The following SORCS3 variants were observed in gnomAD, a reference collection of about 807,000 sequenced individuals.
The protein encoded by SORCS3 is sortilin related VPS10 domain containing receptor 3.
Under a neutral mutation model 146.3 loss-of-function variants are expected in SORCS3, and 57 were observed. The ratio of observed to expected loss-of-function variants is 0.39; its 90% CI spans 0.31 to 0.49. The LOEUF (loss-of-function observed/expected upper bound fraction) is 0.49, where lower values mean the gene tolerates loss of function less well. Among genes scored for constraint, SORCS3 ranks in the 20% least tolerant of loss-of-function variants. SORCS3 has a pLI of 0.92. For missense variants in SORCS3, 1,341 were observed against 1,575.5 expected (o/e 0.85, Z 2.52); for synonymous variants, 653 against 618.5 (o/e 1.06, Z -0.83).
At chr10:105,134,914 T>C (rs1230781638) in intron 7 of SORCS3, among the ~76,000 whole-genome samples, 3 of 152,160 alleles carry the variant, frequency 2.0e-5, no homozygotes, top group African/African-American at 7.2e-5. Flanking sequence ...AGGAGATTCA[T>C]CCTGAGGCAG....
At chr10:105,041,355 A>G (rs1190707824) in intron 4 of SORCS3, among the ~76,000 whole-genome samples, 2 of 147,802 alleles carry the variant, frequency 1.4e-5, no homozygotes, top group African/African-American at 4.9e-5. Flanking sequence ...TAACACAGCT[A>G]GTAGTCAGCT....
rs75005147 is a variant in SORCS3, at chr10:105,048,679, G to A, written c.1028+5551G>A. ...GTGCACATGTACCCTAAAACTTAAA[G>A]TATAATTAAAAAAAAGAGAAAGTGG... On this transcript the variant is annotated intron_variant, in intron 5 of 26. Transcript: ENST00000369701. 6.6e-3 allele frequency among the ~76,000 whole-genome samples: 1,009 copies of A among 151,918 alleles called. 8 individuals carry two copies. Among genetic ancestry groups the A allele is most frequent in the East Asian group, 0.051 (265 of 5,148 alleles).
At chr10:104,763,314 T>A (rs2017143353) in intron 1 of SORCS3, among the ~76,000 whole-genome samples, 1 of 152,212 alleles carries the variant, frequency 6.6e-6, no homozygotes, top group Non-Finnish European at 1.5e-5. Flanking sequence ...CAATCAACAC[T>A]TGTTGATTAA....
intron 5 of SORCS3, among the ~76,000 whole-genome samples, chr10:105,052,053 G>C (rs902100769): frequency 1.3e-5 from 2 of 152,102 alleles, no homozygotes; most frequent in African/African-American, 4.8e-5. Context: ...ATGGCACTGA[G>C]CAAGACAGAA....
Position 104,865,320 on chromosome 10 carries a change from G to A in SORCS3, c.695+22461G>A, listed in dbSNP as rs560406321. Among the ~76,000 whole-genome samples, 511 of 152,260 alleles carry A rather than the reference G, an allele frequency of 3.4e-3. 2 individuals carry two copies. Among genetic ancestry groups the A allele is most frequent in the South Asian group, 0.018 (88 of 4,822 alleles). ...GAAGCCAGGGCAGATAGGAGGACTC[G>A]AGATGTTCACTTCTCTTGGATGGCA... On this transcript the variant is annotated intron_variant, in intron 2 of 26. Coordinates refer to ENST00000369701, the MANE Select transcript of SORCS3 (RefSeq NM_014978.3).
chr10:105,156,358 AG>A (rs1480223475), intron 9 of SORCS3, among the ~76,000 whole-genome samples: 2 of 152,212 alleles, frequency 1.3e-5, no homozygotes, highest in African/African-American at 2.4e-5. Context: ...TAAAAGTTTG[AG>A]TAGAATTTGT....
intron 4 of SORCS3, among the ~76,000 whole-genome samples, chr10:105,025,277 C>T (rs562818552): frequency 6.6e-6 from 1 of 152,240 alleles, no homozygotes; most frequent in East Asian, 1.9e-4. Context: ...GCAACAAGCA[C>T]ATCTGGAGGC....
intron 20 of SORCS3, among the ~76,000 whole-genome samples, chr10:105,235,874 C>T (rs2056790545): frequency 6.6e-6 from 1 of 152,024 alleles, no homozygotes; most frequent in Admixed American, 6.6e-5. Context: ...ATGCCTATCT[C>T]AACTTTATTG....
chr10:105,235,436 CTGTG>C (rs5787570), intron 20 of SORCS3, among the ~76,000 whole-genome samples: 13,460 of 141,134 alleles, frequency 0.095, 635 homozygotes, highest in Middle Eastern at 0.19. Flanking sequence ...AACTCTCAGA[CTGTG>C]TGTGTGTGTG....
At chr10:104,897,750 C>G (rs1331949294) in intron 2 of SORCS3, among the ~76,000 whole-genome samples, 1 of 152,140 alleles carries the variant, frequency 6.6e-6, no homozygotes, top group Non-Finnish European at 1.5e-5. Context: ...GTCTTTCTTG[C>G]AAGTGAAGCA....
At chr10:104,829,413 A>T (rs1305928898) in intron 1 of SORCS3, among the ~76,000 whole-genome samples, 1 of 152,200 alleles carries the variant, frequency 6.6e-6, no homozygotes, top group Non-Finnish European at 1.5e-5. Context: ...AGCATCAGGT[A>T]GAGAACAGGA....
At chr10:104,861,148 A>G (rs1163041909) in intron 2 of SORCS3, among the ~76,000 whole-genome samples, 2 of 152,098 alleles carry the variant, frequency 1.3e-5, no homozygotes, top group African/African-American at 2.4e-5. Context: ...AGTTCCCTTA[A>G]TAACTACTGA....
intron 4 of SORCS3, among the ~76,000 whole-genome samples, chr10:104,980,485 C>G (rs1054616197): frequency 3.3e-5 from 5 of 152,156 alleles, no homozygotes; most frequent in African/African-American, 9.7e-5. Context: ...AATGAAAATG[C>G]AAGTGTAGTT....
chr10:104,905,722 C>T (rs767601509), intron 2 of SORCS3, among the ~76,000 whole-genome samples: 2 of 152,022 alleles, frequency 1.3e-5, no homozygotes, highest in African/African-American at 2.4e-5. Flanking sequence ...CCCAGAAAGC[C>T]GATACGATGC....
intron 5 of SORCS3, among the ~76,000 whole-genome samples, chr10:105,045,844 CT>C (rs2055368434): frequency 2.6e-5 from 4 of 152,118 alleles, no homozygotes; most frequent in Non-Finnish European, 5.9e-5. Context: ...ATGTTTATTA[CT>C]AGTACTCAAG....
At chr10:104,904,289 G>T (rs2018880930) in intron 2 of SORCS3, among the ~76,000 whole-genome samples, 1 of 152,180 alleles carries the variant, frequency 6.6e-6, no homozygotes, top group African/African-American at 2.4e-5. Flanking sequence ...AATGCCCAAT[G>T]TTGCAAGCAT....
At chr10:104,917,681 A>G (rs1007751706) in intron 3 of SORCS3, among the ~76,000 whole-genome samples, 1 of 152,138 alleles carries the variant, frequency 6.6e-6, no homozygotes, top group African/African-American at 2.4e-5. Context: ...CCACCATTCT[A>G]TTATCTAATT....
At chr10:104,648,530 T>C (rs1279134186) in intron 1 of SORCS3, among the ~76,000 whole-genome samples, 1 of 152,166 alleles carries the variant, frequency 6.6e-6, no homozygotes, top group Non-Finnish European at 1.5e-5. Flanking sequence ...TCTGGGGCCA[T>C]ACTCTATAGT....
chr10:104,697,252 C>T (rs1215653255), intron 1 of SORCS3, among the ~76,000 whole-genome samples: 6 of 152,098 alleles, frequency 3.9e-5, no homozygotes, highest in South Asian at 2.1e-4. Context: ...TTCACACATC[C>T]GTGATACCAT....
Sources: gnomAD v4.1 joint callset for allele counts (sites outside exome capture counted in the v4.1 genomes callset) on GRCh38, gnomAD v4.1.1 for gene constraint, MANE v1.5 for transcripts, NCBI Gene and HGNC (gene_info 2026-07-23, HGNC 2026-07-21) for gene names.